Variants in GAB2 observed in about 807,000 individuals in gnomAD.
The protein encoded by GAB2 is GRB2 associated binding protein 2, also known as GRB2-associated-binding protein 2.
A neutral mutation model predicts 65.5 loss-of-function variants in GAB2; 26 were observed. That is an observed-to-expected ratio of 0.40 (90% confidence interval 0.29 to 0.55). GAB2 has a LOEUF of 0.55. Among genes scored for constraint, GAB2 ranks in the 20% least tolerant of loss-of-function variants. GAB2 has a pLI of 0.53. For missense variants in GAB2, 884 were observed against 875.8 expected (o/e 1.01, Z -0.12); for synonymous variants, 321 against 329.6 (o/e 0.97, Z 0.28).
intron 1 of GAB2, among the ~76,000 whole-genome samples, chr11:78,290,837 T>C (rs1866645638): frequency 6.6e-6 from 1 of 152,206 alleles, no homozygotes; most frequent in Non-Finnish European, 1.5e-5. Flanking sequence ...ACTTTCTAAA[T>C]GAGTGGTCCA....
chr11:78,297,784 T>C (rs919689493), intron 1 of GAB2, among the ~76,000 whole-genome samples: 2 of 152,182 alleles, frequency 1.3e-5, no homozygotes, highest in African/African-American at 4.8e-5. Flanking sequence ...CCATGTATTA[T>C]ACTATTTATA....
At chr11:78,384,910 T>A (rs139184679) in intron 1 of GAB2, among the ~76,000 whole-genome samples, 1 of 152,204 alleles carries the variant, frequency 6.6e-6, no homozygotes, top group Non-Finnish European at 1.5e-5. Flanking sequence ...CCAGAGTTTA[T>A]TGACATTTGA....
Position 78,222,152 on chromosome 11 carries a change from A to G in GAB2, c.1611T>C (p.Asp537=). The G allele has an allele frequency of 6.2e-7, 1 of 1,614,100 alleles. No individual in the cohort carries two copies. Among genetic ancestry groups the G allele is most frequent in the Non-Finnish European group, 8.5e-7 (1 of 1,179,958 alleles). The change falls in exon 7 of 10, where the codon GAT becomes GAC. Residue 537 remains aspartate, a synonymous_variant. Coordinates refer to ENST00000361507, the MANE Select transcript of GAB2 (RefSeq NM_080491.3). ...TGATAGGTGACTTGAAGGGGAGTTC[A>G]TCGATGACGGTGTTGTTCCTCAGGT... is the stretch of plus-strand genomic sequence containing the variant. The part of the protein sequence containing the change: ...PLDLRNNTVI[D]ELPFKSPITK...
At chr11:78,343,162 A>G (rs2134693827) in intron 1 of GAB2, among the ~76,000 whole-genome samples, 1 of 152,306 alleles carries the variant, frequency 6.6e-6, no homozygotes, top group African/African-American at 2.4e-5. Context: ...CATAATCTGA[A>G]CAGTTTATCT....
chr11:78,250,633 C>T (rs1865428054), intron 2 of GAB2, among the ~76,000 whole-genome samples: 1 of 152,110 alleles, frequency 6.6e-6, no homozygotes. Context: ...CTTCCTATCA[C>T]AATGTAGGCC....
chr11:78,404,597 C>T (rs954696264), intron 1 of GAB2, among the ~76,000 whole-genome samples: 16 of 152,208 alleles, frequency 1.1e-4, no homozygotes, highest in Admixed American at 7.2e-4. Flanking sequence ...TGAAATCCTG[C>T]CATTCGTGGC....
At chr11:78,395,047 T>C (rs1856878400) in intron 1 of GAB2, among the ~76,000 whole-genome samples, 1 of 151,830 alleles carries the variant, frequency 6.6e-6, no homozygotes, top group Admixed American at 6.6e-5. Flanking sequence ...ACTGGGCAAC[T>C]GGGCACTGGA....
At chr11:78,393,723 AG>A (rs1391113116) in intron 1 of GAB2, among the ~76,000 whole-genome samples, 1 of 152,276 alleles carries the variant, frequency 6.6e-6, no homozygotes, top group East Asian at 1.9e-4. Flanking sequence ...AAAATATCCA[AG>A]AACAGAAGAA....
intron 1 of GAB2, among the ~76,000 whole-genome samples, chr11:78,408,752 G>A (rs762852237): frequency 2.0e-5 from 3 of 152,072 alleles, no homozygotes; most frequent in Non-Finnish European, 2.9e-5. Context: ...TAGTGAGTGA[G>A]TTATTGTGAG....
chr11:78,389,311 C>CT (rs113709383), intron 1 of GAB2, among the ~76,000 whole-genome samples: 35,361 of 144,078 alleles, frequency 0.25, 5,734 homozygotes, highest in East Asian at 0.75. Context: ...TGTGGTTTTC[C>CT]TTTTTTTTTT....
intron 3 of GAB2, among the ~76,000 whole-genome samples, chr11:78,235,282 A>C (rs1162308033): frequency 1.3e-5 from 2 of 151,648 alleles, no homozygotes; most frequent in African/African-American, 2.4e-5. Context: ...TCTCCCGAGT[A>C]GCTGGGACTA....
Position 78,216,722 on chromosome 11 carries a change from A to T in GAB2, c.*2550T>A. 1 of 152,284 alleles carries T rather than the reference A, an allele frequency of 6.6e-6. No individual in the cohort carries two copies. The highest frequency in any genetic ancestry group is 1.5e-5 in the Non-Finnish European group (1 of 68,086). The allele number at this position is 152,284 out of a possible 1,614,324, so 9.4% of individuals were successfully genotyped here. On this transcript the variant is annotated 3_prime_UTR_variant, in exon 10 of 10. Transcript: ENST00000361507. ...ACTCACATCATGGCACACTCAGAAC[A>T]TGCTCACATGTTTATGGGAGGCTGC...
chr11:78,358,499 A>T (rs1856392158), intron 1 of GAB2, among the ~76,000 whole-genome samples: 1 of 148,808 alleles, frequency 6.7e-6, no homozygotes, highest in East Asian at 1.9e-4. Flanking sequence ...AAAAAAAAAG[A>T]AGTAATGTCT....
At chr11:78,269,871 T>A (rs1028854288) in intron 2 of GAB2, among the ~76,000 whole-genome samples, 6 of 152,160 alleles carry the variant, frequency 3.9e-5, no homozygotes, top group African/African-American at 1.4e-4. Context: ...GCCAAGGAGT[T>A]CGAGAAGGTA....
At chr11:78,322,585 TTATC>T (rs956744083) in intron 1 of GAB2, among the ~76,000 whole-genome samples, 40 of 151,956 alleles carry the variant, frequency 2.6e-4, no homozygotes, top group African/African-American at 7.0e-4. Context: ...CTGAGAATCT[TTATC>T]TAAGAACTTA....
chr11:78,249,434 T>A (rs1457605899), intron 3 of GAB2, among the ~76,000 whole-genome samples: 6 of 152,266 alleles, frequency 3.9e-5, no homozygotes, highest in Non-Finnish European at 8.8e-5. Flanking sequence ...TGGCAAAGCC[T>A]ATCAGCTCTG....
At chr11:78,388,008 A>C (rs1856790241) in intron 1 of GAB2, 7 of 152,168 alleles carry the variant, frequency 4.6e-5, no homozygotes, top group Admixed American at 4.6e-4. Context: ...GTAAGTGCTC[A>C]ATATGTATAT....
chr11:78,249,607 T>C (rs1361927091), intron 3 of GAB2, among the ~76,000 whole-genome samples: 2 of 152,240 alleles, frequency 1.3e-5, no homozygotes, highest in Non-Finnish European at 2.9e-5. Flanking sequence ...TCTGTATCTG[T>C]GCTGTCTGGT....
At chr11:78,342,400 T>C (rs1298553768) in intron 1 of GAB2, among the ~76,000 whole-genome samples, 5 of 148,940 alleles carry the variant, frequency 3.4e-5, no homozygotes, top group Non-Finnish European at 1.5e-5. Flanking sequence ...TTCAACACTT[T>C]GCACTTTTTT....
Sources: allele counts gnomAD v4.1 joint callset (sites outside exome capture counted in the v4.1 genomes callset), GRCh38; gene constraint gnomAD v4.1.1; transcripts MANE v1.5; gene names NCBI Gene and HGNC (gene_info 2026-07-23, HGNC 2026-07-21).